The following WHRN variants were observed in gnomAD, a reference collection of about 807,000 sequenced individuals.
WHRN encodes whirlin.
Under a neutral mutation model 68.3 loss-of-function variants are expected in WHRN, and 41 were observed. The observed-to-expected ratio is 0.60, with a 90% CI of 0.47 to 0.78. WHRN has a LOEUF of 0.78. Ranked by LOEUF, WHRN falls within the 30% of genes least tolerant of loss-of-function variation. The pLI is 0.00. For missense variants in WHRN, 1,243 were observed against 1,244.7 expected (o/e 1.00, Z 0.02); for synonymous variants, 560 against 561.3 (o/e 1.00, Z 0.03).
In WHRN at chr9:114,406,539, C is replaced by T; in HGVS notation, c.2052G>A (p.Gln684=). The T allele has an allele frequency of 6.2e-7, 1 of 1,613,310 alleles. No homozygotes were observed. The highest frequency in any genetic ancestry group is 8.5e-7 in the Non-Finnish European group (1 of 1,179,526). The part of the protein sequence containing the change: ...QHPIGPFPRV[Q]SPPHLKSPSA... ...AGGGGCTTTTCAGGTGCGGGGGTGA[C>T]TGGACCCGTGGGAAGGGGCCGATGG... Residue 684 remains glutamine, a synonymous_variant, in exon 9 of 12, where the codon CAG becomes CAA. Transcript: ENST00000362057.
intron 3 of WHRN, among the ~76,000 whole-genome samples, chr9:114,442,523 T>C (rs1838461944): frequency 6.6e-6 from 1 of 152,206 alleles, no homozygotes; most frequent in South Asian, 2.1e-4. Context: ...ATGGTTTGGA[T>C]ATTCGTCCCC....
rs1225086825 is a variant in WHRN, at chr9:114,406,688, G to A, written c.1903C>T (p.Pro635Ser). ...TGTGCAGAGGAGGTCCCTGGGGTGG[G>A]TGCGGTGCCCGCTGGCGGGCTGCGG... ...QNRSPPAGTA[P>S]TPGTSSAQDL... is the part of the protein sequence containing the mutation. Residue 635 changes from proline (P) to serine (S), a missense_variant, in exon 9 of 12, where the codon CCC becomes TCC. Pro to Ser is a moderately conservative substitution (Grantham distance 74). Coordinates refer to ENST00000362057, the MANE Select transcript of WHRN (RefSeq NM_015404.4). The A allele has an allele frequency of 5.6e-6, 9 of 1,613,952 alleles. No individual in the cohort carries two copies. Among genetic ancestry groups the A allele is most frequent in the Middle Eastern group, 1.6e-4 (1 of 6,066 alleles).
chr9:114,480,006 T>C (rs1841974181), intron 1 of WHRN, among the ~76,000 whole-genome samples: 1 of 152,092 alleles, frequency 6.6e-6, no homozygotes, highest in Non-Finnish European at 1.5e-5. Context: ...GAGGTTGCAG[T>C]GAGCTGAGAT....
chr9:114,480,697 T>C (rs543787753), intron 1 of WHRN, among the ~76,000 whole-genome samples: 28 of 152,322 alleles, frequency 1.8e-4, no homozygotes, highest in Admixed American at 4.6e-4. Flanking sequence ...GAATAAATGA[T>C]AGAATTCACA....
At position 114,493,087 on chromosome 9, in the gene WHRN, C is replaced by T. The variant is rs79411334; in HGVS notation, c.618+11097G>A. 4.0e-4 allele frequency among the ~76,000 whole-genome samples: 61 copies of T among 152,180 alleles called. No individual in the cohort carries two copies. In the East Asian group the frequency reaches 8.9e-3, roughly 22 times the overall value. ...TAAAGAGGCTAGGCACAGTGGCTCA[C>T]GCCTGTAATCCCAGTGTTTTGAGAG... On this transcript the variant is annotated intron_variant, in intron 1 of 11. Transcript: ENST00000362057.
At chr9:114,448,234 T>C (rs1486870992) in intron 3 of WHRN, among the ~76,000 whole-genome samples, 1 of 152,002 alleles carries the variant, frequency 6.6e-6, no homozygotes, top group Admixed American at 6.6e-5. Context: ...ACAGGGAGAT[T>C]TGAGCCACAA....
Position 114,406,500 on chromosome 9 carries a change from T to C in WHRN, c.2091A>G (p.Thr697=). 1 of 1,614,144 alleles carries C rather than the reference T, an allele frequency of 6.2e-7. No homozygotes were observed. The highest frequency in any genetic ancestry group is 2.2e-5 in the East Asian group (1 of 44,870). Residue 697 remains threonine, a synonymous_variant, in exon 9 of 12, where the codon ACA becomes ACG. Transcript: ENST00000362057. ...GGGGCAGAAGGCAGCCCCCAGCCAC[T>C]GTGGCCTCTGCAGAGGGGCTTTTCA... ...PHLKSPSAEA[T]VAGGCLLPPS...
Position 114,478,693 on chromosome 9 carries a change from T to C in WHRN, c.697A>G (p.Ile233Val). Residue 233 changes from isoleucine (I) to valine (V), a missense_variant, in exon 2 of 12, where the codon ATC (isoleucine) becomes GTC (valine). Coordinates refer to ENST00000362057, the MANE Select transcript of WHRN (RefSeq NM_015404.4). ...CCCTGCGGGTCCACCCAGGTGTAGA[T>C]GTGGTTGGTGACGTAGCCCCCAGGG... The part of the protein sequence containing the change: ...RIPGGYVTNH[I>V]YTWVDPQGRS... The C allele has an allele frequency of 1.9e-6, 3 of 1,613,010 alleles. No individual in the cohort carries two copies. The highest frequency in any genetic ancestry group is 2.5e-6 in the Non-Finnish European group (3 of 1,179,976).
Position 114,474,653 on chromosome 9 carries a change from C to T in WHRN, c.837+3900G>A, listed in dbSNP as rs117004884. ...TCCTCCAGGAAGCCTTCCCCAATTT[C>T]TCTAGTGGGCAGGACCTCCCTTCTC... On this transcript the variant is annotated intron_variant, in intron 2 of 11. Transcript: ENST00000362057. Among the ~76,000 whole-genome samples, 375 of 152,296 alleles carry T rather than the reference C, an allele frequency of 2.5e-3. 5 individuals carry two copies. The South Asian group carries it at 0.033, about 13-fold the overall frequency.
intron 1 of WHRN, among the ~76,000 whole-genome samples, chr9:114,484,280 C>T (rs985536381): frequency 6.6e-6 from 1 of 152,204 alleles, no homozygotes; most frequent in Non-Finnish European, 1.5e-5. Context: ...TCACATCCAA[C>T]ACATCCATCT....
chr9:114,477,426 G>A (rs1841740273), intron 2 of WHRN, among the ~76,000 whole-genome samples: 1 of 152,172 alleles, frequency 6.6e-6, no homozygotes, highest in Non-Finnish European at 1.5e-5. Flanking sequence ...AGATATCAGG[G>A]ACCATTTCAG....
chr9:114,465,210 C>A (rs573152625), intron 3 of WHRN, among the ~76,000 whole-genome samples: 3 of 152,338 alleles, frequency 2.0e-5, no homozygotes, highest in Admixed American at 2.0e-4. Context: ...GCCTGTCTGC[C>A]ATGATGTGGC....
chr9:114,428,780 C>G (rs1000797593), intron 3 of WHRN, among the ~76,000 whole-genome samples: 5 of 152,072 alleles, frequency 3.3e-5, no homozygotes, highest in East Asian at 1.9e-4. Flanking sequence ...GCCTTTACCC[C>G]CCTGAGCAGA....
intron 3 of WHRN, among the ~76,000 whole-genome samples, chr9:114,454,213 T>C (rs988285931): frequency 6.6e-6 from 1 of 152,120 alleles, no homozygotes; most frequent in Admixed American, 6.6e-5. Flanking sequence ...TAAGGCAAAA[T>C]TTTTCTCTCA....
intron 1 of WHRN, among the ~76,000 whole-genome samples, chr9:114,490,381 G>A (rs1231861242): frequency 2.6e-5 from 4 of 152,354 alleles, no homozygotes; most frequent in South Asian, 2.1e-4. Flanking sequence ...GGATGGGAAC[G>A]TGGGTGTCTT....
chr9:114,486,885 AGTGTGTGTGTGTGTGTGTGTAGAGT>A (rs1842523591), intron 1 of WHRN, among the ~76,000 whole-genome samples: 1 of 73,704 alleles, frequency 1.4e-5, no homozygotes, highest in African/African-American at 4.6e-5. Flanking sequence ...TGATTAAATT[AGTGTGTGTGTGTGTGTGTGTAGAGT>A]GTGTGTGTGT....
intron 3 of WHRN, among the ~76,000 whole-genome samples, chr9:114,432,062 CTTTAT>C (rs1564146933): frequency 6.6e-6 from 1 of 152,218 alleles, no homozygotes; most frequent in East Asian, 1.9e-4. Flanking sequence ...ATAAAGGCAG[CTTTAT>C]TTTATTTGTC....
chr9:114,415,631 G>A (rs1240433730), intron 7 of WHRN, among the ~76,000 whole-genome samples: 5 of 152,222 alleles, frequency 3.3e-5, no homozygotes, highest in Non-Finnish European at 7.3e-5. Flanking sequence ...TTATCAGAGT[G>A]TGAGTTATGG....
chr9:114,498,845 C>CGCCT lies in WHRN; in HGVS notation c.618+5335_618+5338dup, dbSNP rs111405939. Among the ~76,000 whole-genome samples, 1,144 of 152,238 alleles carry CGCCT rather than the reference C, an allele frequency of 7.5e-3. 15 individuals are homozygous for CGCCT. The highest frequency in any genetic ancestry group is 0.026 in the African/African-American group (1,089 of 41,524). On this transcript the variant is annotated intron_variant, in intron 1 of 11. Transcript: ENST00000362057. ...CCATCTCCTTGAGCATGACCCTCCT[C>CGCCT]GCCTGCCTGCCTCCCCTGGGGAAGG...
Sources: gnomAD v4.1 joint callset for allele counts (sites outside exome capture counted in the v4.1 genomes callset) on GRCh38, gnomAD v4.1.1 for gene constraint, MANE v1.5 for transcripts, NCBI Gene and HGNC (gene_info 2026-07-23, HGNC 2026-07-21) for gene names.